Variants in MGAT4C observed in about 807,000 individuals in gnomAD.
MGAT4C encodes alpha-1,3-mannosyl-glycoprotein 4-beta-N-acetylglucosaminyltransferase C.
Under a neutral mutation model 40.1 loss-of-function variants are expected in MGAT4C, and 19 were observed. That is an observed-to-expected ratio of 0.47 (90% CI 0.33 to 0.70). MGAT4C has a LOEUF of 0.70. MGAT4C is among the 30% of genes least tolerant of loss of function. The pLI, the probability that MGAT4C is intolerant of heterozygous loss-of-function variation, is 0.02. For missense variants in MGAT4C, 491 were observed against 563.2 expected, an observed-to-expected ratio of 0.87 and a Z score of 1.30; for synonymous variants, 181 against 187.1, an observed-to-expected ratio of 0.97 and a Z score of 0.27.
chr12:86,775,922 T>C (rs1347521899), intron 1 of MGAT4C, among the ~76,000 whole-genome samples: 11 of 151,900 alleles, frequency 7.2e-5, no homozygotes, highest in Admixed American at 5.2e-4. Context: ...TCCTTTATAT[T>C]GCACAATAGA....
At chr12:86,221,808 T>C (rs1439522442) in intron 1 of MGAT4C, among the ~76,000 whole-genome samples, 1 of 152,234 alleles carries the variant, frequency 6.6e-6, no homozygotes, top group Non-Finnish European at 1.5e-5. Flanking sequence ...TGAAGCTGTC[T>C]GAATCTCTTC....
chr12:86,774,825 A>T (rs566303660), intron 1 of MGAT4C, among the ~76,000 whole-genome samples: 119 of 152,266 alleles, frequency 7.8e-4, no homozygotes, highest in Non-Finnish European at 1.5e-3. Flanking sequence ...ATGATTGAAA[A>T]TAGAGTTGGT....
chr12:86,512,089 C>T (rs1592937827), intron 2 of MGAT4C, among the ~76,000 whole-genome samples: 1 of 151,988 alleles, frequency 6.6e-6, no homozygotes, highest in Non-Finnish European at 1.5e-5. Context: ...AAAAAGTACA[C>T]TATTAAAGAA....
chr12:86,040,505 G>A lies in MGAT4C; in HGVS notation c.-7+9169C>T, dbSNP rs538655450. Reference sequence around the variant, plus strand: ...AGCTGTGGTGGGCTCTGCCCAGTTCGAACTTCCCCATGGCTCTGTTTGCAC... The same window carrying A: ...AGCTGTGGTGGGCTCTGCCCAGTTCAAACTTCCCCATGGCTCTGTTTGCAC... On this transcript the variant is annotated intron_variant, in intron 2 of 4. Coordinates refer to ENST00000611864, the MANE Select transcript of MGAT4C (RefSeq NM_001351288.2). Among the ~76,000 whole-genome samples the A allele has an allele frequency of 1.1e-4, 16 of 152,234 alleles. No individual in the cohort carries two copies. In the East Asian group the frequency reaches 2.1e-3, roughly 20 times the overall value.
chr12:86,010,655 G>C (rs1226046843), intron 2 of MGAT4C, among the ~76,000 whole-genome samples: 1 of 152,048 alleles, frequency 6.6e-6, no homozygotes, highest in African/African-American at 2.4e-5. Context: ...TCCAGCCTGA[G>C]TGACAGAGCA....
At chr12:86,255,002 A>G (rs1380963344) in intron 1 of MGAT4C, among the ~76,000 whole-genome samples, 3 of 152,094 alleles carry the variant, frequency 2.0e-5, no homozygotes, top group African/African-American at 7.2e-5. Context: ...CAACTCGAGA[A>G]TCTCCAAATC....
intron 2 of MGAT4C, among the ~76,000 whole-genome samples, chr12:86,515,270 T>C (rs147673099): frequency 1.3e-5 from 2 of 152,272 alleles, no homozygotes; most frequent in African/African-American, 4.8e-5. Flanking sequence ...TTATTGAACA[T>C]TGTACTAGAA....
At chr12:85,999,683 A>G (rs191347110) in intron 2 of MGAT4C, among the ~76,000 whole-genome samples, 1 of 152,112 alleles carries the variant, frequency 6.6e-6, no homozygotes, top group East Asian at 1.9e-4. Flanking sequence ...ATGGAATACT[A>G]TTTAGCCATA....
chr12:86,034,500 AT>A (rs1057410279), intron 2 of MGAT4C, among the ~76,000 whole-genome samples: 4 of 148,394 alleles, frequency 2.7e-5, no homozygotes, highest in East Asian at 1.9e-4. Context: ...GAATTGACCA[AT>A]TTTTTTTCCA....
intron 2 of MGAT4C, among the ~76,000 whole-genome samples, chr12:86,511,645 T>C (rs1958589399): frequency 6.6e-6 from 1 of 151,886 alleles, no homozygotes; most frequent in Non-Finnish European, 1.5e-5. Flanking sequence ...GAATATACAA[T>C]GGGGAAGGAA....
Position 86,544,551 on chromosome 12 carries a change from T to C in MGAT4C, c.-228-109286A>G, listed in dbSNP as rs150010490. Reference sequence around the variant, plus strand: ...GGAATTTGTTGATTAAAACACATGGTCTATACAAACATTTTAGTTACTGAT... The same window carrying C: ...GGAATTTGTTGATTAAAACACATGGCCTATACAAACATTTTAGTTACTGAT... On this transcript the variant is annotated intron_variant, in intron 2 of 7. Transcript: ENST00000548651. Among the ~76,000 whole-genome samples the C allele has an allele frequency of 3.9e-3, 589 of 152,190 alleles. 5 individuals are homozygous for C. The highest frequency in any genetic ancestry group is 0.013 in the African/African-American group (543 of 41,582).
chr12:86,760,395 T>C (rs1227166538), intron 1 of MGAT4C, among the ~76,000 whole-genome samples: 4 of 152,050 alleles, frequency 2.6e-5, no homozygotes, highest in African/African-American at 9.7e-5. Flanking sequence ...TTGTTTTTTT[T>C]TGGATAAGTA....
At chr12:86,738,050 T>A (rs968760432) in intron 1 of MGAT4C, among the ~76,000 whole-genome samples, 3 of 151,600 alleles carry the variant, frequency 2.0e-5, no homozygotes, top group Non-Finnish European at 4.4e-5. Context: ...TCAAAGTGAA[T>A]GCTAGGGCAT....
intron 2 of MGAT4C, among the ~76,000 whole-genome samples, chr12:86,543,061 T>C (rs1225137767): frequency 1.3e-5 from 2 of 152,050 alleles, no homozygotes; most frequent in Non-Finnish European, 2.9e-5. Context: ...TACTTCTGTT[T>C]AAAGAAATTT....
chr12:86,833,233 C>A (rs1952967403), intron 1 of MGAT4C, among the ~76,000 whole-genome samples: 2 of 151,744 alleles, frequency 1.3e-5, no homozygotes, highest in South Asian at 4.1e-4. Context: ...AAATTATGTT[C>A]CTTGGCCAAA....
intron 4 of MGAT4C, among the ~76,000 whole-genome samples, chr12:86,272,565 A>G (rs1474412810): frequency 6.6e-6 from 1 of 152,148 alleles, no homozygotes; most frequent in African/African-American, 2.4e-5. Flanking sequence ...TATCTAAAAT[A>G]AATCTCTTCC....
intron 2 of MGAT4C, among the ~76,000 whole-genome samples, chr12:86,688,305 C>T (rs576405935): frequency 6.6e-6 from 1 of 151,868 alleles, no homozygotes; most frequent in African/African-American, 2.4e-5. Flanking sequence ...ATCCAATTTG[C>T]CAGTCTGTGT....
intron 3 of MGAT4C, among the ~76,000 whole-genome samples, chr12:86,335,010 T>A (rs1049761010): frequency 2.0e-5 from 3 of 151,804 alleles, no homozygotes; most frequent in African/African-American, 7.3e-5. Flanking sequence ...TTAACTGCTA[T>A]GTATTATTCC....
intron 2 of MGAT4C, among the ~76,000 whole-genome samples, chr12:86,564,540 T>C (rs1321593213): frequency 6.6e-6 from 1 of 152,210 alleles, no homozygotes; most frequent in Non-Finnish European, 1.5e-5. Context: ...ACTGGACTTA[T>C]TGGTGATACA....
Sources: allele counts gnomAD v4.1 joint callset (sites outside exome capture counted in the v4.1 genomes callset), GRCh38; gene constraint gnomAD v4.1.1; transcripts MANE v1.5; gene names NCBI Gene and HGNC (gene_info 2026-07-23, HGNC 2026-07-21).